Variants in VAPB observed in about 807,000 individuals in gnomAD.
VAPB encodes the protein VAMP associated protein B and C.
Under a neutral mutation model 25.6 loss-of-function variants are expected in VAPB, and 7 were observed. That is an observed-to-expected ratio of 0.27 (90% confidence interval 0.16 to 0.51). The LOEUF (loss-of-function observed/expected upper bound fraction) is 0.51, where lower values mean the gene tolerates loss of function less well. VAPB is among the 20% of genes least tolerant of loss of function. The probability of loss-of-function intolerance (pLI) is 0.97; values close to 1 mark genes in which losing one functional copy is unlikely to be tolerated. For missense variants in VAPB, 266 were observed against 301.3 expected, an observed-to-expected ratio of 0.88 and a Z score of 0.87; for synonymous variants, 112 against 109.2, an observed-to-expected ratio of 1.03 and a Z score of -0.16.
chr20:58,389,771 C>T (rs1225363188), intron 1 of VAPB, among the ~76,000 whole-genome samples: 1 of 152,202 alleles, frequency 6.6e-6, no homozygotes, highest in African/African-American at 2.4e-5. Context: ...CTGGGACTTG[C>T]CTTCGAGGCA....
chr20:58,390,646 A>T (rs1355365924), intron 1 of VAPB, among the ~76,000 whole-genome samples: 2 of 152,120 alleles, frequency 1.3e-5, no homozygotes, highest in Non-Finnish European at 2.9e-5. Context: ...TTTAGATTGG[A>T]AGGCCGGGTC....
chr20:58,407,425 A>G (rs1382651478), intron 1 of VAPB, among the ~76,000 whole-genome samples: 2 of 152,238 alleles, frequency 1.3e-5, no homozygotes, highest in African/African-American at 2.4e-5. Context: ...AATTATTTCA[A>G]AAGAACCTTG....
At position 58,448,793 on chromosome 20, in the gene VAPB, C is replaced by T; in HGVS notation, c.*4558C>T. 2.2e-6 allele frequency: 1 copy of T among 454,062 alleles called. No individual in the cohort carries two copies. The highest frequency in any genetic ancestry group is 4.4e-6 in the Non-Finnish European group (1 of 226,776). 28.1% of individuals were successfully genotyped at this position (454,062 alleles called of 1,614,324 possible). Reference sequence around the variant, plus strand: ...ACACTACAGACAGTGAAAAAAGGTACATATTCCATTTTCTCATTGCCTGAA... The same window carrying T: ...ACACTACAGACAGTGAAAAAAGGTATATATTCCATTTTCTCATTGCCTGAA... On this transcript the variant is annotated 3_prime_UTR_variant, in exon 6 of 6. Transcript: ENST00000475243.
chr20:58,413,050 C>T (rs1988419392), intron 1 of VAPB, among the ~76,000 whole-genome samples: 1 of 151,848 alleles, frequency 6.6e-6, no homozygotes, highest in Admixed American at 6.6e-5. Context: ...CATCTTAAGG[C>T]CCAATTTTTG....
intron 5 of VAPB, among the ~76,000 whole-genome samples, chr20:58,441,382 C>A (rs370633464): frequency 6.6e-6 from 1 of 152,234 alleles, no homozygotes; most frequent in East Asian, 1.9e-4. Flanking sequence ...TGGCTCACGC[C>A]TGTAATCCCA....
chr20:58,429,836 C>A (rs565219336), intron 2 of VAPB, among the ~76,000 whole-genome samples: 1 of 152,110 alleles, frequency 6.6e-6, no homozygotes, highest in Non-Finnish European at 1.5e-5. Context: ...TTTTTACCTC[C>A]TGGAGGGCCT....
At chr20:58,407,479 A>C (rs1355885615) in intron 1 of VAPB, among the ~76,000 whole-genome samples, 1 of 152,190 alleles carries the variant, frequency 6.6e-6, no homozygotes, top group African/African-American at 2.4e-5. Flanking sequence ...GTATATGAAA[A>C]AATTTTTAAG....
chr20:58,413,809 T>C (rs1988446689), intron 1 of VAPB, among the ~76,000 whole-genome samples: 1 of 143,164 alleles, frequency 7.0e-6, no homozygotes, highest in Admixed American at 6.8e-5. Context: ...ACGGGGCAGC[T>C]GGCCGGGCGG....
At chr20:58,412,308 G>A (rs552948841) in intron 1 of VAPB, among the ~76,000 whole-genome samples, 1 of 152,188 alleles carries the variant, frequency 6.6e-6, no homozygotes, top group South Asian at 2.1e-4. Context: ...GGCTGGGCGT[G>A]GAGGCTCACA....
intron 2 of VAPB, among the ~76,000 whole-genome samples, chr20:58,430,129 A>G (rs939985802): frequency 3.9e-5 from 6 of 151,934 alleles, no homozygotes; most frequent in African/African-American, 1.4e-4. Context: ...CTGAAAATTC[A>G]TATAATTATT....
chr20:58,422,962 T>C (rs576987273), intron 2 of VAPB, among the ~76,000 whole-genome samples: 282 of 152,250 alleles, frequency 1.9e-3, no homozygotes, highest in Non-Finnish European at 2.7e-3. Context: ...ACCTTGGGAA[T>C]TGAAAATGGA....
At chr20:58,419,180 T>C (rs1988614765) in intron 2 of VAPB, among the ~76,000 whole-genome samples, 2 of 152,246 alleles carry the variant, frequency 1.3e-5, no homozygotes, top group Non-Finnish European at 2.9e-5. Context: ...TAGAAGCTAC[T>C]GCTCATTTGA....
chr20:58,443,944 G>A (rs959325261), intron 5 of VAPB, 133 bp from the exon 6 acceptor site: 19 of 1,311,206 alleles, frequency 1.4e-5, no homozygotes, highest in African/African-American at 1.3e-4. Flanking sequence ...CAGTTTCTCC[G>A]TTTGCAAAAT....
At chr20:58,409,824 A>G (rs1450791605) in intron 1 of VAPB, among the ~76,000 whole-genome samples, 1 of 152,040 alleles carries the variant, frequency 6.6e-6, no homozygotes, top group Non-Finnish European at 1.5e-5. Flanking sequence ...AAGGATATGT[A>G]TTTGTGAAAC....
rs1485897996 is a variant in VAPB at position 58,450,976 on chromosome 20, A to G, written c.*6741A>G. 3 of 454,138 alleles carry G rather than the reference A, an allele frequency of 6.6e-6. No individual in the cohort carries two copies. Among genetic ancestry groups the G allele is most frequent in the Admixed American group, 2.3e-5 (1 of 42,580 alleles). The allele number at this position is 454,138 out of a possible 1,614,324, so 28.1% of individuals were successfully genotyped here. On this transcript the variant is annotated 3_prime_UTR_variant, in exon 6 of 6. Coordinates refer to ENST00000475243, the MANE Select transcript of VAPB (RefSeq NM_004738.5). ...CTGCAGGGTCCAGACCAAAAGAGCC[A>G]TTTACAGCATGTTCTCCCATGTTCC... is the stretch of plus-strand genomic sequence containing the variant.
chr20:58,436,587 A>C (rs1243334577), intron 3 of VAPB, among the ~76,000 whole-genome samples: 1 of 152,080 alleles, frequency 6.6e-6, no homozygotes, highest in African/African-American at 2.4e-5. Context: ...TCAGCCTCCC[A>C]AAGTGGTAGG....
At chr20:58,410,903 C>T (rs1465382040) in intron 1 of VAPB, among the ~76,000 whole-genome samples, 2 of 152,204 alleles carry the variant, frequency 1.3e-5, no homozygotes, top group African/African-American at 2.4e-5. Context: ...AGCACTATTT[C>T]AGTGTCTGGA....
Position 58,447,126 on chromosome 20 carries a change from G to A in VAPB, c.*2891G>A, listed in dbSNP as rs1413694816. 1 of 454,110 alleles carries A rather than the reference G, an allele frequency of 2.2e-6. No homozygotes were observed. Among genetic ancestry groups the A allele is most frequent in the Non-Finnish European group, 4.4e-6 (1 of 226,796 alleles). The allele number at this position is 454,110 out of a possible 1,614,324, so 28.1% of individuals were successfully genotyped here. A position where few individuals can be genotyped will look rare whatever the true frequency, so the allele number is the denominator to read the frequency against. ...CTGGCTCCACAGCACCTCAGAGAGGGCGGCCCTGGCTTCAGAAATGCCAGC... is the reference window on the plus strand; with the variant it reads ...CTGGCTCCACAGCACCTCAGAGAGGACGGCCCTGGCTTCAGAAATGCCAGC... On this transcript the variant is annotated 3_prime_UTR_variant, in exon 6 of 6. Coordinates refer to ENST00000475243, the MANE Select transcript of VAPB (RefSeq NM_004738.5).
intron 1 of VAPB, among the ~76,000 whole-genome samples, chr20:58,398,554 G>A (rs969116531): frequency 7.7e-5 from 11 of 142,896 alleles, no homozygotes; most frequent in African/African-American, 3.0e-4. Context: ...CTAGGTATTG[G>A]GAGACGAGGG....
Sources: allele counts gnomAD v4.1 joint callset (sites outside exome capture counted in the v4.1 genomes callset), GRCh38; gene constraint gnomAD v4.1.1; transcripts MANE v1.5; gene names NCBI Gene and HGNC (gene_info 2026-07-23, HGNC 2026-07-21).